SRGAP1: variants seen among roughly 807,000 people sequenced by gnomAD.
SRGAP1 encodes SLIT-ROBO Rho GTPase-activating protein 1.
SRGAP1 carries 43 observed loss-of-function variants against 121.9 expected under a neutral mutation model. The observed-to-expected ratio is 0.35, with a 90% confidence interval of 0.28 to 0.46. The LOEUF is 0.46. Among genes scored for constraint, SRGAP1 ranks in the 20% least tolerant of loss-of-function variants. The pLI is 1.00. For synonymous variants in SRGAP1, 447 were observed against 485.4 expected (o/e 0.92, Z 1.04); for missense variants, 1,102 against 1,350.9 (o/e 0.82, Z 2.89).
At chr12:63,935,725 A>T (rs2031641482) in intron 1 of SRGAP1, among the ~76,000 whole-genome samples, 1 of 152,218 alleles carries the variant, frequency 6.6e-6, no homozygotes, top group African/African-American at 2.4e-5. Flanking sequence ...GCTGTGTTTT[A>T]TGATGTTGTT....
At chr12:63,997,703 A>T (rs2136429249) in intron 3 of SRGAP1, among the ~76,000 whole-genome samples, 1 of 152,308 alleles carries the variant, frequency 6.6e-6, no homozygotes, top group East Asian at 1.9e-4. Context: ...TGTTTGCTGT[A>T]AAGGAGTGGG....
rs2035036219 is a variant in SRGAP1, at chr12:64,042,008, C to T, written c.490-782C>T. ...CCACCTCCCAGGTTCAAGTGATTCT[C>T]CTGCCTCAGCCTCCCGAGTAGCTGG... On this transcript the variant is annotated intron_variant, in intron 4 of 21. Coordinates refer to ENST00000355086, the MANE Select transcript of SRGAP1 (RefSeq NM_020762.4). Among the ~76,000 whole-genome samples, 5 of 151,586 alleles carry T rather than the reference C, an allele frequency of 3.3e-5. No individual in the cohort carries two copies. The South Asian group carries it at 8.3e-4, about 25-fold the overall frequency.
intron 1 of SRGAP1, among the ~76,000 whole-genome samples, chr12:63,980,171 G>T (rs775189296): frequency 6.6e-6 from 1 of 152,202 alleles, no homozygotes; most frequent in Non-Finnish European, 1.5e-5. Flanking sequence ...TTGCACCTCA[G>T]CCTCCTGGGT....
chr12:64,039,628 CGTGTGTGTGT>C (rs6144742), intron 4 of SRGAP1, among the ~76,000 whole-genome samples: 1,588 of 130,894 alleles, frequency 0.012, 17 homozygotes, highest in South Asian at 0.039. Flanking sequence ...AGCTGAGCAA[CGTGTGTGTGT>C]GTGTGTGTGT....
chr12:63,907,314 A>C (rs2030260926), intron 1 of SRGAP1, among the ~76,000 whole-genome samples: 1 of 152,128 alleles, frequency 6.6e-6, no homozygotes, highest in Non-Finnish European at 1.5e-5. Flanking sequence ...AGGTGGGTGT[A>C]TCACCTGAGG....
chr12:64,035,055 A>AG (rs1475927129), intron 4 of SRGAP1, among the ~76,000 whole-genome samples: 24 of 151,906 alleles, frequency 1.6e-4, no homozygotes, highest in African/African-American at 4.6e-4. Context: ...GAAAAAAAAA[A>AG]AAAAAAGAAA....
intron 3 of SRGAP1, among the ~76,000 whole-genome samples, chr12:63,990,966 A>G (rs1565626047): frequency 6.6e-6 from 1 of 152,174 alleles, no homozygotes; most frequent in South Asian, 2.1e-4. Flanking sequence ...TCCCAAATCC[A>G]TTAAAAAACA....
At chr12:63,949,885 T>A (rs969968562) in intron 1 of SRGAP1, among the ~76,000 whole-genome samples, 1 of 152,196 alleles carries the variant, frequency 6.6e-6, no homozygotes, top group Admixed American at 6.5e-5. Flanking sequence ...TCCAAACTAA[T>A]ATACACAAAA....
chr12:63,950,891 C>G (rs11831551), intron 1 of SRGAP1, among the ~76,000 whole-genome samples: 10,489 of 151,754 alleles, frequency 0.069, 932 homozygotes, highest in African/African-American at 0.21. Flanking sequence ...CCCACTCCAC[C>G]CCACCCCACC....
At chr12:63,931,067 G>A (rs924895194) in intron 1 of SRGAP1, among the ~76,000 whole-genome samples, 2 of 152,112 alleles carry the variant, frequency 1.3e-5, no homozygotes, top group African/African-American at 4.8e-5. Context: ...ATCCAGTCAC[G>A]TAAAGGGAAT....
At chr12:64,087,775 A>G (rs150261833) in intron 11 of SRGAP1, among the ~76,000 whole-genome samples, 341 of 152,264 alleles carry the variant, frequency 2.2e-3, no homozygotes, top group African/African-American at 7.7e-3. Context: ...TTTGAGCTAT[A>G]TTGAATATCT....
At chr12:64,033,704 C>T (rs1378334196) in intron 4 of SRGAP1, among the ~76,000 whole-genome samples, 2 of 151,618 alleles carry the variant, frequency 1.3e-5, no homozygotes, top group East Asian at 2.0e-4. Context: ...GGTTACAGAG[C>T]GAGACTCCAT....
chr12:64,004,380 G>C (rs2034010355), intron 3 of SRGAP1, among the ~76,000 whole-genome samples: 1 of 151,964 alleles, frequency 6.6e-6, no homozygotes, highest in African/African-American at 2.4e-5. Context: ...GTTTGTTTTT[G>C]TTTTTCACTT....
At chr12:63,895,584 T>G (rs1478542088) in intron 1 of SRGAP1, among the ~76,000 whole-genome samples, 1 of 152,156 alleles carries the variant, frequency 6.6e-6, no homozygotes, top group African/African-American at 2.4e-5. Context: ...AGAAGTGAGA[T>G]ACCTGAATTT....
intron 1 of SRGAP1, among the ~76,000 whole-genome samples, chr12:63,965,045 G>A (rs2032750713): frequency 1.3e-5 from 2 of 152,136 alleles, no homozygotes; most frequent in Non-Finnish European, 2.9e-5. Flanking sequence ...TGTAGCCTTG[G>A]ACTAATTAGG....
intron 1 of SRGAP1, among the ~76,000 whole-genome samples, chr12:63,892,958 C>G (rs1209441391): frequency 6.6e-6 from 1 of 152,078 alleles, no homozygotes; most frequent in Admixed American, 6.6e-5. Flanking sequence ...TTGCTATGCC[C>G]TTGATTGCAT....
At chr12:64,129,975 GGTTGTT>G (rs57651653) in intron 21 of SRGAP1, among the ~76,000 whole-genome samples, 20 of 151,234 alleles carry the variant, frequency 1.3e-4, no homozygotes, top group South Asian at 6.3e-4. Context: ...AGCAGGTCGT[GGTTGTT>G]GTTGTTGTTG....
chr12:63,910,175 C>T (rs1370417506), intron 1 of SRGAP1, among the ~76,000 whole-genome samples: 1 of 152,162 alleles, frequency 6.6e-6, no homozygotes, highest in Non-Finnish European at 1.5e-5. Context: ...TGATGTTTTA[C>T]AAATGCTTGC....
intron 4 of SRGAP1, among the ~76,000 whole-genome samples, chr12:64,021,150 C>T (rs1565643479): frequency 6.6e-6 from 1 of 152,140 alleles, no homozygotes; most frequent in East Asian, 1.9e-4. Context: ...GGAAGAAGGG[C>T]CTTGCCTTTT....
Sources: allele counts gnomAD v4.1 joint callset (sites outside exome capture counted in the v4.1 genomes callset), GRCh38; gene constraint gnomAD v4.1.1; transcripts MANE v1.5; gene names NCBI Gene and HGNC (gene_info 2026-07-23, HGNC 2026-07-21).